SWAP70: variants seen among roughly 807,000 people sequenced by gnomAD.
The protein encoded by SWAP70 is switch-associated protein 70.
In SWAP70, 34 loss-of-function variants were observed where a neutral mutation model predicts 80.2. That is an observed-to-expected ratio of 0.42 (90% CI 0.32 to 0.56). The LOEUF is 0.56. Ranked by LOEUF, SWAP70 falls within the 20% of genes least tolerant of loss-of-function variation. SWAP70 has a pLI of 0.09. For synonymous variants in SWAP70, 239 were observed against 238.5 expected, an observed-to-expected ratio of 1.00 and a Z score of -0.02; for missense variants, 578 against 690.7, an observed-to-expected ratio of 0.84 and a Z score of 1.83.
At chr11:9,698,530 G>T (rs1163863454) in intron 2 of SWAP70, among the ~76,000 whole-genome samples, 1 of 151,760 alleles carries the variant, frequency 6.6e-6, no homozygotes, top group East Asian at 1.9e-4. Context: ...TCAGCCTCTT[G>T]AGTAGCTGTG....
intron 1 of SWAP70, among the ~76,000 whole-genome samples, chr11:9,669,675 T>G (rs1158250301): frequency 1.3e-5 from 2 of 152,192 alleles, no homozygotes; most frequent in African/African-American, 4.8e-5. Flanking sequence ...CACATATGTG[T>G]TCCTGTGTGT....
chr11:9,722,962 C>G (rs1441007904), intron 3 of SWAP70, among the ~76,000 whole-genome samples: 1 of 152,158 alleles, frequency 6.6e-6, no homozygotes, highest in Non-Finnish European at 1.5e-5. Flanking sequence ...ATCCCCTGAT[C>G]TATGGTATTG....
intron 9 of SWAP70, chr11:9,741,597 C>T (rs112760960): frequency 1.9e-4 from 29 of 152,178 alleles, no homozygotes; most frequent in Non-Finnish European, 2.5e-4. Flanking sequence ...GCAAAGAATT[C>T]GCAGGTGAAA....
chr11:9,669,853 T>G (rs1197872419), intron 1 of SWAP70, among the ~76,000 whole-genome samples: 1 of 152,012 alleles, frequency 6.6e-6, no homozygotes, highest in African/African-American at 2.4e-5. Context: ...ACTTGCCAGG[T>G]GCGGTGCCTC....
intron 4 of SWAP70, among the ~76,000 whole-genome samples, chr11:9,725,243 G>C (rs1158352764): frequency 2.0e-5 from 3 of 151,614 alleles, no homozygotes; most frequent in Admixed American, 2.0e-4. Context: ...CTCCCAAAGT[G>C]CTGGGATTAC....
At chr11:9,743,285 C>A (rs10840298) in intron 9 of SWAP70, among the ~76,000 whole-genome samples, 102,078 of 145,926 alleles carry the variant, frequency 0.7, 36,034 homozygotes, top group Middle Eastern at 0.81. Context: ...ACATTTTCTT[C>A]ATCCAGTCTA....
At chr11:9,667,109 A>C (rs10734648) in intron 1 of SWAP70, among the ~76,000 whole-genome samples, 131,050 of 151,614 alleles carry the variant, frequency 0.86, 57,724 homozygotes, top group Middle Eastern at 0.96. Flanking sequence ...AGGCAATTTA[A>C]CCAACTTGGC....
chr11:9,670,764 T>C (rs972698508), intron 1 of SWAP70, among the ~76,000 whole-genome samples: 2 of 151,954 alleles, frequency 1.3e-5, no homozygotes, highest in Non-Finnish European at 2.9e-5. Context: ...CATTTATTTA[T>C]TTTTTCTGAG....
intron 3 of SWAP70, among the ~76,000 whole-genome samples, chr11:9,719,907 CT>C (rs1177757455): frequency 6.6e-6 from 1 of 152,102 alleles, no homozygotes; most frequent in Non-Finnish European, 1.5e-5. Flanking sequence ...TAAAATGCCC[CT>C]TATTAATGAT....
intron 3 of SWAP70, among the ~76,000 whole-genome samples, chr11:9,723,713 C>T (rs974775242): frequency 1.3e-5 from 2 of 151,214 alleles, no homozygotes; most frequent in African/African-American, 2.4e-5. Context: ...TATCAATTCT[C>T]ATTCAGTTTT....
At chr11:9,713,342 G>A (rs1851023801) in intron 2 of SWAP70, 124 bp from the exon 3 acceptor site, 11 of 949,808 alleles carry the variant, frequency 1.2e-5, no homozygotes, top group African/African-American at 1.7e-5. Context: ...TGTAGGATAT[G>A]GCTGTTGGTT....
intron 1 of SWAP70, among the ~76,000 whole-genome samples, chr11:9,685,887 C>T (rs1047264189): frequency 2.0e-5 from 3 of 152,012 alleles, no homozygotes; most frequent in Non-Finnish European, 4.4e-5. Context: ...CTTCCTTGGC[C>T]TCCTCCCAAA....
At chr11:9,722,690 GA>G (rs1489383969) in intron 3 of SWAP70, among the ~76,000 whole-genome samples, 2 of 152,194 alleles carry the variant, frequency 1.3e-5, no homozygotes, top group African/African-American at 4.8e-5. Context: ...ATTCTAGACA[GA>G]GAAGACAGAG....
At chr11:9,725,055 A>G in intron 4 of SWAP70, 170 bp downstream of exon 4, 1 of 582,588 alleles carries the variant, frequency 1.7e-6, no homozygotes, top group Non-Finnish European at 3.0e-6. Flanking sequence ...TCTGGAGTGC[A>G]GTGACGTGAT....
At chr11:9,697,175 A>T (rs1430824980) in intron 2 of SWAP70, among the ~76,000 whole-genome samples, 1 of 151,988 alleles carries the variant, frequency 6.6e-6, no homozygotes, top group South Asian at 2.1e-4. Context: ...TATAATTTTT[A>T]AAATAGTTTA....
Position 9,752,558 on chromosome 11 carries a change from T to C in SWAP70, c.*2588T>C, listed in dbSNP as rs1229848023. The C allele has an allele frequency of 6.6e-6, 1 of 152,250 alleles. No homozygotes were observed. The highest frequency in any genetic ancestry group is 1.5e-5 in the Non-Finnish European group (1 of 68,040). 9.4% of individuals were successfully genotyped at this position (152,250 alleles called of 1,614,324 possible). ...AGATAGCACAGAAATGAACTAAGTA[T>C]ATCCCATTTGGAATTATATTTTGAT... On this transcript the variant is annotated 3_prime_UTR_variant, in exon 12 of 12. Coordinates refer to ENST00000318950, the MANE Select transcript of SWAP70 (RefSeq NM_015055.4).
chr11:9,721,870 T>A (rs1361492007), intron 3 of SWAP70, among the ~76,000 whole-genome samples: 1 of 152,202 alleles, frequency 6.6e-6, no homozygotes, highest in Admixed American at 6.5e-5. Context: ...ACAAAAAACA[T>A]TATAACCAAA....
intron 9 of SWAP70, 116 bp downstream of exon 9, chr11:9,740,463 T>C (rs769323110): frequency 9.2e-7 from 1 of 1,091,930 alleles, no homozygotes. Context: ...TGGCTGTGAC[T>C]GAGCTCGAGG....
At chr11:9,736,920 G>A (rs538173933) in intron 7 of SWAP70, among the ~76,000 whole-genome samples, 17 of 152,276 alleles carry the variant, frequency 1.1e-4, no homozygotes, top group East Asian at 5.8e-4. Flanking sequence ...TCTGTCAGAC[G>A]TTTGGCTGGT....
Sources: gnomAD v4.1 joint callset for allele counts (sites outside exome capture counted in the v4.1 genomes callset) on GRCh38, gnomAD v4.1.1 for gene constraint, MANE v1.5 for transcripts, NCBI Gene and HGNC (gene_info 2026-07-23, HGNC 2026-07-21) for gene names.